PDILT: variants seen among roughly 807,000 people sequenced by gnomAD.
The protein encoded by PDILT is protein disulfide-isomerase-like protein of the testis.
PDILT carries 43 observed loss-of-function variants against 53.7 expected under a neutral mutation model. That is an observed-to-expected ratio of 0.80 (90% CI 0.63 to 1.03). PDILT has a LOEUF of 1.03. Among genes scored for constraint, PDILT ranks in the 50% least tolerant of loss-of-function variants. The pLI is 0.00. For synonymous variants in PDILT, 282 were observed against 274.2 expected (o/e 1.03, Z -0.28); for missense variants, 727 against 712.3 (o/e 1.02, Z -0.24).
chr16:20,382,830 G>T (rs1007689319), intron 3 of PDILT, among the ~76,000 whole-genome samples: 3 of 152,232 alleles, frequency 2.0e-5, no homozygotes, highest in Non-Finnish European at 4.4e-5. Context: ...TAAGGATTTG[G>T]ATGCAGAGGG....
chr16:20,391,360 C>A (rs1274922954), intron 2 of PDILT, among the ~76,000 whole-genome samples: 1 of 152,094 alleles, frequency 6.6e-6, no homozygotes, highest in African/African-American at 2.4e-5. Flanking sequence ...CCATTGTCAT[C>A]ATCATCATCA....
At chr16:20,383,531 C>T (rs1173057386) in intron 3 of PDILT, among the ~76,000 whole-genome samples, 1 of 149,468 alleles carries the variant, frequency 6.7e-6, no homozygotes, top group African/African-American at 2.4e-5. Flanking sequence ...GGTGATTGCT[C>T]CGAGGTTCTC....
intron 3 of PDILT, among the ~76,000 whole-genome samples, chr16:20,383,678 C>G (rs12598706): frequency 2.6e-5 from 4 of 152,012 alleles, no homozygotes; most frequent in African/African-American, 9.7e-5. Context: ...TGGAAGCTGG[C>G]TATACACCAG....
chr16:20,360,875 CTG>C (rs1168063341), intron 10 of PDILT, among the ~76,000 whole-genome samples: 4 of 152,220 alleles, frequency 2.6e-5, no homozygotes, highest in Non-Finnish European at 5.9e-5. Flanking sequence ...AAAGCACGGA[CTG>C]TAAAACCACA....
rs765434855 is a variant in PDILT at position 20,360,661 on chromosome 16, G to A, written c.1417-4C>T. ...GTTCTCCCTTATACAGGACAGCCTAGGATGAAAATGGAACAGGGTCAGGAT... is the reference window on the plus strand; with the variant it reads ...GTTCTCCCTTATACAGGACAGCCTAAGATGAAAATGGAACAGGGTCAGGAT... On this transcript the variant is annotated splice_polypyrimidine_tract_variant and splice_region_variant and intron_variant, in intron 10 of 11. Transcript: ENST00000302451. The A allele has an allele frequency of 2.5e-6, 4 of 1,602,000 alleles. No individual in the cohort carries two copies. The South Asian group carries it at 4.4e-5, about 18-fold the overall frequency.
intron 2 of PDILT, among the ~76,000 whole-genome samples, chr16:20,397,639 G>A (rs1043233796): frequency 7.2e-5 from 11 of 152,192 alleles, no homozygotes. Flanking sequence ...TCTGTAAATG[G>A]TTCTGGTCAG....
In PDILT at chr16:20,400,063, TATATATA is replaced by T. The variant is rs1966715098; in HGVS notation, c.-7-763_-7-757del. 5.3e-5 allele frequency among the ~76,000 whole-genome samples: 6 copies of T among 112,822 alleles called. 1 individual carries two copies. The highest frequency in any genetic ancestry group is 5.8e-4 in the South Asian group (2 of 3,452). 74.0% of individuals were successfully genotyped at this position (112,822 alleles called of 152,430 possible). On this transcript the variant is annotated intron_variant, in intron 1 of 11. Transcript: ENST00000302451. ...CTATCTATCTATCTATCTATATATA[TATATATA>T]TATTTTTTGAGACGGAGTTTTGCTC...
chr16:20,397,131 A>ATATT (rs199932174), intron 2 of PDILT, among the ~76,000 whole-genome samples: 92 of 152,190 alleles, frequency 6.0e-4, no homozygotes, highest in Middle Eastern at 6.8e-3. Context: ...ATGTATGTAC[A>ATATT]TATTTATTTA....
chr16:20,389,867 G>T (rs1375457140), intron 2 of PDILT, among the ~76,000 whole-genome samples: 2 of 152,070 alleles, frequency 1.3e-5, no homozygotes, highest in Non-Finnish European at 2.9e-5. Context: ...TTAGACCAGT[G>T]GTTCTCAATG....
intron 2 of PDILT, among the ~76,000 whole-genome samples, chr16:20,390,161 C>T (rs1373764461): frequency 1.3e-5 from 2 of 152,198 alleles, no homozygotes; most frequent in African/African-American, 4.8e-5. Flanking sequence ...GAGGTACTCA[C>T]AGCTGATAGG....
At chr16:20,363,647 T>A (rs908358219) in intron 9 of PDILT, among the ~76,000 whole-genome samples, 2 of 152,184 alleles carry the variant, frequency 1.3e-5, no homozygotes, top group African/African-American at 4.8e-5. Context: ...GTGACCACTA[T>A]ACCACAGGTA....
At position 20,359,278 on chromosome 16, in the gene PDILT, G is replaced by A. The variant is rs1966062267; in HGVS notation, c.*41C>T. 2 of 1,604,714 alleles carry A rather than the reference G, an allele frequency of 1.2e-6. No homozygotes were observed. The highest frequency in any genetic ancestry group is 1.1e-5 in the South Asian group (1 of 89,268). Reference sequence around the variant, plus strand: ...CAATCCATTCAGAAAATGATGCCAGGATCTGGAAAATAAGCATCTTTTTTC... The same window carrying A: ...CAATCCATTCAGAAAATGATGCCAGAATCTGGAAAATAAGCATCTTTTTTC... On this transcript the variant is annotated 3_prime_UTR_variant, in exon 12 of 12. Coordinates refer to ENST00000302451, the MANE Select transcript of PDILT (RefSeq NM_174924.2).
Position 20,376,195 on chromosome 16 carries a change from A to G in PDILT, c.416T>C (p.Val139Ala). ...CCAAACGACTAAGGCAGCAGATTCA[A>G]CCACTCCTGGAGAAAGACACAGTCA... ...RSEPISCKGVVESAALVVWLR... is the reference protein window; with the variant it reads ...RSEPISCKGVAESAALVVWLR... The change falls in exon 4 of 12, where the codon GTT (valine) becomes GCT (alanine). Residue 139 changes from valine to alanine, a missense_variant. Coordinates refer to ENST00000302451, the MANE Select transcript of PDILT (RefSeq NM_174924.2). The G allele has an allele frequency of 6.2e-7, 1 of 1,614,156 alleles. No individual in the cohort carries two copies.
At chr16:20,369,221 T>A (rs1966264387) in intron 8 of PDILT, among the ~76,000 whole-genome samples, 1 of 152,222 alleles carries the variant, frequency 6.6e-6, no homozygotes, top group South Asian at 2.1e-4. Context: ...AAGTTAACAC[T>A]ACTGAGTGCC....
chr16:20,375,276 T>C (rs1440946804), intron 4 of PDILT, among the ~76,000 whole-genome samples: 1 of 152,198 alleles, frequency 6.6e-6, no homozygotes, highest in Non-Finnish European at 1.5e-5. Flanking sequence ...GAAGAGGCAA[T>C]TGATTTTACC....
Position 20,363,040 on chromosome 16 carries a change from C to T in PDILT, c.1238-458G>A, listed in dbSNP as rs1157533775. Among the ~76,000 whole-genome samples the T allele has an allele frequency of 5.2e-5, 6 of 115,552 alleles. No homozygotes were observed. In the East Asian group the frequency reaches 1.3e-3, roughly 26 times the overall value. The allele number at this position is 115,552 out of a possible 152,430, so 75.8% of individuals were successfully genotyped here. A position where few individuals can be genotyped will look rare whatever the true frequency, so the allele number is the denominator to read the frequency against. On this transcript the variant is annotated intron_variant, in intron 9 of 11. Transcript: ENST00000302451. ...TGAGCCGAGATTGCGCCACTGCACT[C>T]GAGTCTGGGTGACAGAGAGAGACTC...
chr16:20,361,567 C>T (rs1567317878), intron 10 of PDILT, among the ~76,000 whole-genome samples: 3 of 152,152 alleles, frequency 2.0e-5, no homozygotes, highest in Admixed American at 6.5e-5. Context: ...GAGATTACTA[C>T]CTTAGCCTCA....
chr16:20,371,316 GAGA>G (rs1966303336), intron 7 of PDILT, among the ~76,000 whole-genome samples: 1 of 152,216 alleles, frequency 6.6e-6, no homozygotes, highest in South Asian at 2.1e-4. Context: ...TCTGGTTGCA[GAGA>G]AGAAGCAAAA....
At chr16:20,367,760 T>C (rs1384376270) in intron 8 of PDILT, among the ~76,000 whole-genome samples, 1 of 152,100 alleles carries the variant, frequency 6.6e-6, no homozygotes, top group Non-Finnish European at 1.5e-5. Context: ...CTCTGAGATT[T>C]AAAAATGAAC....
Sources: gnomAD v4.1 joint callset for allele counts (sites outside exome capture counted in the v4.1 genomes callset) on GRCh38, gnomAD v4.1.1 for gene constraint, MANE v1.5 for transcripts, NCBI Gene and HGNC (gene_info 2026-07-23, HGNC 2026-07-21) for gene names.